Variants in AGL observed in about 807,000 individuals in gnomAD.
The protein encoded by AGL is amylo-alpha-1,6-glucosidase and 4-alpha-glucanotransferase.
Under a neutral mutation model 199.3 loss-of-function variants are expected in AGL, and 128 were observed. The ratio of observed to expected loss-of-function variants is 0.64; its 90% CI spans 0.56 to 0.74. The LOEUF (loss-of-function observed/expected upper bound fraction) is 0.74. Among genes scored for constraint, AGL ranks in the 30% least tolerant of loss-of-function variants. The pLI is 0.00. For missense variants in AGL, 1,809 were observed against 1,820.8 expected, an observed-to-expected ratio of 0.99 and a Z score of 0.12; for synonymous variants, 584 against 594.7, an observed-to-expected ratio of 0.98 and a Z score of 0.26.
chr1:99,870,042 G>A (rs1483999916), intron 5 of AGL, among the ~76,000 whole-genome samples: 5 of 152,116 alleles, frequency 3.3e-5, no homozygotes, highest in Admixed American at 6.5e-5. Context: ...TTCCTTGAGC[G>A]TATTTATTTT....
At chr1:99,862,173 CT>C (rs1650097769) in intron 3 of AGL, 83 bp from the exon 4 acceptor site, 3 of 1,304,564 alleles carry the variant, frequency 2.3e-6, no homozygotes, top group Middle Eastern at 1.9e-4. Context: ...GACAATTAAC[CT>C]TTTAGTTAGA....
intron 17 of AGL, 112 bp downstream of exon 17, chr1:99,881,803 C>A: frequency 2.9e-6 from 3 of 1,027,600 alleles, no homozygotes; most frequent in East Asian, 2.9e-5. Context: ...TAACACAGTG[C>A]TACTGTGGAC....
At chr1:99,885,980 A>G (rs1325239759) in intron 20 of AGL, among the ~76,000 whole-genome samples, 1 of 152,158 alleles carries the variant, frequency 6.6e-6, no homozygotes, top group African/African-American at 2.4e-5. Context: ...GTTAGACTAT[A>G]TCCATATATT....
intron 17 of AGL, among the ~76,000 whole-genome samples, chr1:99,882,130 C>A: frequency 6.9e-6 from 1 of 144,670 alleles, no homozygotes; most frequent in Non-Finnish European, 1.5e-5. Context: ...GAGTGAGACC[C>A]TATCTCAAAA....
chr1:99,900,156 C>G (rs1033566863), intron 25 of AGL, among the ~76,000 whole-genome samples: 16 of 152,106 alleles, frequency 1.1e-4, no homozygotes, highest in African/African-American at 3.9e-4. Context: ...TCTCAAACTC[C>G]TGACCTCAGG....
chr1:99,894,639 T>C (rs1266587279), intron 24 of AGL, among the ~76,000 whole-genome samples: 4 of 152,284 alleles, frequency 2.6e-5, no homozygotes, highest in Admixed American at 2.0e-4. Flanking sequence ...CTAATTCTTA[T>C]CTTTCTTAAT....
intron 1 of AGL, chr1:99,850,715 C>G: frequency 6.4e-6 from 2 of 310,518 alleles, no homozygotes; most frequent in East Asian, 8.1e-5. Context: ...TTGCTTTTCT[C>G]TGAGAATGGT....
chr1:99,887,102 A>G (rs776713585), intron 20 of AGL, among the ~76,000 whole-genome samples: 1 of 152,216 alleles, frequency 6.6e-6, no homozygotes. Context: ...GCTGATATGG[A>G]GAGAACAAAG....
Position 99,921,717 on chromosome 1 carries a change from C to A in AGL, c.*66C>A. The A allele has an allele frequency of 1.8e-6, 2 of 1,084,230 alleles. No homozygotes were observed. Among genetic ancestry groups the A allele is most frequent in the Non-Finnish European group, 2.8e-6 (2 of 711,856 alleles). The allele number at this position is 1,084,230 out of a possible 1,614,324, so 67.2% of individuals were successfully genotyped here. A position where few individuals can be genotyped will look rare whatever the true frequency, so the allele number is the denominator to read the frequency against. On this transcript the variant is annotated 3_prime_UTR_variant, in exon 34 of 34. Transcript: ENST00000361915. ...GATGCAAGGTCATCATATGTAAATG[C>A]CTTATATGCACAGGCTCAAGTTGTT...
intron 24 of AGL, among the ~76,000 whole-genome samples, chr1:99,893,701 A>G (rs1653084504): frequency 6.6e-6 from 1 of 152,236 alleles, no homozygotes; most frequent in Non-Finnish European, 1.5e-5. Flanking sequence ...GATATAAAAC[A>G]AATAAAAACT....
At chr1:99,851,241 C>A in intron 2 of AGL, 117 bp downstream of exon 2, 1 of 948,340 alleles carries the variant, frequency 1.1e-6, no homozygotes, top group Non-Finnish European at 1.7e-6. Flanking sequence ...GGGTCTAAAA[C>A]TTGATTTGTG....
intron 2 of AGL, chr1:99,852,553 TTTTG>T: frequency 3.3e-6 from 2 of 615,116 alleles, no homozygotes; most frequent in African/African-American, 1.9e-5. Context: ...TTTTTTTTTT[TTTTG>T]TAGAAACTGG....
intron 24 of AGL, among the ~76,000 whole-genome samples, chr1:99,894,378 G>A (rs1008638679): frequency 5.9e-5 from 9 of 152,020 alleles, no homozygotes; most frequent in Non-Finnish European, 1.2e-4. Context: ...TGGATATACC[G>A]ATTCAGACTC....
chr1:99,883,702 C>T (rs1193724440), intron 17 of AGL, among the ~76,000 whole-genome samples: 2 of 152,050 alleles, frequency 1.3e-5, no homozygotes, highest in African/African-American at 4.8e-5. Flanking sequence ...TTGAGGTTAC[C>T]TCTGAAAGTG....
At position 99,900,674 on chromosome 1, in the gene AGL, G is replaced by A; in HGVS notation, c.3401G>A (p.Gly1134Asp). Reference sequence around the variant, plus strand: ...GCATTTGCGGGTACCCTGAGGCATGGTCTCATTCCTAATCTACTGGGTGAA... The same window carrying A: ...GCATTTGCGGGTACCCTGAGGCATGATCTCATTCCTAATCTACTGGGTGAA... ...ILAFAGTLRH[G>D]LIPNLLGEGI... The change falls in exon 26 of 34, where the codon GGT becomes GAT. Residue 1134 changes from glycine (G) to aspartate (D), a missense_variant. Physicochemically the swap from Gly to Asp is moderately conservative, Grantham distance 94 (BLOSUM62 -1). Transcript: ENST00000361915. The A allele has an allele frequency of 6.2e-7, 1 of 1,614,044 alleles. No homozygotes were observed. Among genetic ancestry groups the A allele is most frequent in the Non-Finnish European group, 8.5e-7 (1 of 1,179,988 alleles).
At position 99,880,696 on chromosome 1, in the gene AGL, T is replaced by A; in HGVS notation, c.1800T>A (p.Pro600=). The change falls in exon 14 of 34, where the codon CCT becomes CCA. Residue 600 remains proline, a synonymous_variant. Coordinates refer to ENST00000361915, the MANE Select transcript of AGL (RefSeq NM_000642.3). ...GRLVYRYGGE[P]VGSFVQPCLR... is the part of the protein sequence containing the mutation. ...TAGTTTACCGATATGGAGGAGAACC[T>A]GTTGGATCCTTTGTTCAGCCCTGTT... is the stretch of plus-strand genomic sequence containing the variant. 1 of 1,614,076 alleles carries A rather than the reference T, an allele frequency of 6.2e-7. No homozygotes were observed. The highest frequency in any genetic ancestry group is 8.5e-7 in the Non-Finnish European group (1 of 1,179,950).
At chr1:99,855,385 T>G (rs1448030279) in intron 2 of AGL, among the ~76,000 whole-genome samples, 1 of 152,146 alleles carries the variant, frequency 6.6e-6, no homozygotes, top group Non-Finnish European at 1.5e-5. Flanking sequence ...TTCCTCCTCG[T>G]TTTTAAGACT....
In AGL at chr1:99,881,966, C is replaced by G. The variant is rs529343517; in HGVS notation, c.2308+275C>G. Among the ~76,000 whole-genome samples the G allele has an allele frequency of 9.2e-5, 14 of 151,490 alleles. No individual in the cohort carries two copies. The East Asian group carries it at 1.7e-3, about 19-fold the overall frequency. ...TCAGCATTATGGTAACACCCTGTCTCTATCAAAAAAAAAGTACAAAAAATT... is the reference window on the plus strand; with the variant it reads ...TCAGCATTATGGTAACACCCTGTCTGTATCAAAAAAAAAGTACAAAAAATT... On this transcript the variant is annotated intron_variant, in intron 17 of 33. Transcript: ENST00000361915.
At chr1:99,861,757 C>T (rs745673758) in intron 3 of AGL, 44 bp downstream of exon 3, 1 of 1,601,674 alleles carries the variant, frequency 6.2e-7, no homozygotes, top group East Asian at 2.2e-5. Flanking sequence ...TTAATTTGTT[C>T]TGTAATTTGA....
Sources: allele counts gnomAD v4.1 joint callset (sites outside exome capture counted in the v4.1 genomes callset), GRCh38; gene constraint gnomAD v4.1.1; transcripts MANE v1.5; gene names NCBI Gene and HGNC (gene_info 2026-07-23, HGNC 2026-07-21).